Variants in CCDC90B observed in about 807,000 individuals in gnomAD.
CCDC90B encodes coiled-coil domain containing 90B.
Under a neutral mutation model 37.0 loss-of-function variants are expected in CCDC90B, and 24 were observed. The ratio of observed to expected loss-of-function variants is 0.65; its 90% CI spans 0.47 to 0.91. The LOEUF (loss-of-function observed/expected upper bound fraction) is 0.91. CCDC90B is among the 40% of genes least tolerant of loss of function. The probability of loss-of-function intolerance (pLI) is 0.00; values close to 1 mark genes in which losing one functional copy is unlikely to be tolerated. For missense variants in CCDC90B, 319 were observed against 299.0 expected (o/e 1.07, Z -0.49); for synonymous variants, 113 against 101.1 (o/e 1.12, Z -0.71).
In CCDC90B at chr11:83,285,864, T is replaced by A; in HGVS notation, c.100+9A>T. On this transcript the variant is annotated intron_variant, in intron 1 of 8. Transcript: ENST00000529689. ...ACTCAGGCATCTATGACACGACGCC[T>A]TGCCTCACCTCTCCGCAGGGCCGGC... 1 of 1,609,536 alleles carries A rather than the reference T, an allele frequency of 6.2e-7. No individual in the cohort carries two copies. The highest frequency in any genetic ancestry group is 8.5e-7 in the Non-Finnish European group (1 of 1,178,908).
chr11:83,280,633 A>G (rs1392476381), intron 1 of CCDC90B, among the ~76,000 whole-genome samples: 1 of 152,228 alleles, frequency 6.6e-6, no homozygotes, highest in Non-Finnish European at 1.5e-5. Context: ...TCTTTCAAAG[A>G]GCTATGAAAA....
chr11:83,272,604 G>T (rs930939936), intron 7 of CCDC90B, among the ~76,000 whole-genome samples: 2 of 152,180 alleles, frequency 1.3e-5, no homozygotes, highest in Non-Finnish European at 2.9e-5. Context: ...CAAAGGGTAG[G>T]GAGGACAGAT....
intron 7 of CCDC90B, among the ~76,000 whole-genome samples, chr11:83,267,707 T>C (rs1307841646): frequency 6.6e-6 from 1 of 152,172 alleles, no homozygotes; most frequent in East Asian, 1.9e-4. Flanking sequence ...CCAGGAGAAC[T>C]TCCCCAACCT....
In CCDC90B at chr11:83,265,849, TC is replaced by T; in HGVS notation, c.709+15del. 1 of 1,493,748 alleles carries T rather than the reference TC, an allele frequency of 6.7e-7. No individual in the cohort carries two copies. Among genetic ancestry groups the T allele is most frequent in the Non-Finnish European group, 9.3e-7 (1 of 1,075,882 alleles). 92.5% of individuals were successfully genotyped at this position (1,493,748 alleles called of 1,614,324 possible). On this transcript the variant is annotated intron_variant, in intron 8 of 8. Transcript: ENST00000529689. ...GAAAATTAGATGACAGCAATTTCTT[TC>T]TCTGACAGTCTTACCTGCAAGATAA...
chr11:83,264,577 G>A (rs1290023838), intron 8 of CCDC90B, among the ~76,000 whole-genome samples: 2 of 152,062 alleles, frequency 1.3e-5, no homozygotes, highest in African/African-American at 2.4e-5. Flanking sequence ...TTAGTCTGAC[G>A]GGCTTCCCTT....
rs1337771973 is a variant in CCDC90B at position 83,261,051 on chromosome 11, A to G, written c.*860T>C. On this transcript the variant is annotated 3_prime_UTR_variant, in exon 9 of 9. Transcript: ENST00000529689. ...TCAGAGCTCAATATTTAGCAACTCT[A>G]CAGATTTCATATTAAGTGTTGTAAT... 5 of 152,196 alleles carry G rather than the reference A, an allele frequency of 3.3e-5. No individual in the cohort carries two copies. Among genetic ancestry groups the G allele is most frequent in the African/African-American group, 1.2e-4 (5 of 41,456 alleles). 9.4% of individuals were successfully genotyped at this position (152,196 alleles called of 1,614,324 possible). A position where few individuals can be genotyped will look rare whatever the true frequency, so the allele number is the denominator to read the frequency against.
intron 8 of CCDC90B, among the ~76,000 whole-genome samples, chr11:83,264,602 C>T (rs1046466218): frequency 6.6e-6 from 1 of 152,128 alleles, no homozygotes; most frequent in Non-Finnish European, 1.5e-5. Flanking sequence ...GGTAACCCGA[C>T]CTTTTTCTCT....
At position 83,286,020 on chromosome 11, in the gene CCDC90B, T is replaced by C; in HGVS notation, c.-48A>G. ...AGGGAGGCGGAAGACGGGGTAAATC[T>C]CGCACAGGCTTTCGGGCAAGGTAGT... On this transcript the variant is annotated 5_prime_UTR_variant, in exon 1 of 9. Transcript: ENST00000529689. 3.8e-6 allele frequency: 6 copies of C among 1,570,664 alleles called. No individual in the cohort carries two copies. Among genetic ancestry groups the C allele is most frequent in the Non-Finnish European group, 2.6e-6 (3 of 1,158,340 alleles).
chr11:83,279,289 CA>C (rs1220702849), intron 2 of CCDC90B, among the ~76,000 whole-genome samples: 7 of 143,900 alleles, frequency 4.9e-5, no homozygotes, highest in Non-Finnish European at 1.5e-5. Flanking sequence ...TCAAAAAAAA[CA>C]AAAAAAAAAC....
intron 4 of CCDC90B, chr11:83,274,394 G>T (rs887990905): frequency 1.1e-5 from 3 of 280,536 alleles, no homozygotes; most frequent in African/African-American, 6.6e-5. Context: ...ATAGCTCAAA[G>T]ATTTTGTTTT....
In CCDC90B at chr11:83,261,791, G is replaced by T; in HGVS notation, c.*120C>A. 1.4e-6 allele frequency: 1 copy of T among 690,846 alleles called. No homozygotes were observed. The allele number at this position is 690,846 out of a possible 1,614,324, so 42.8% of individuals were successfully genotyped here. A position where few individuals can be genotyped will look rare whatever the true frequency, so the allele number is the denominator to read the frequency against. On this transcript the variant is annotated 3_prime_UTR_variant, in exon 9 of 9. Transcript: ENST00000529689. ...TCTAAAACACTTCCTCTTTTAGTCCGTATACACTTCGAATAATCTTGTGTA... is the reference window on the plus strand; with the variant it reads ...TCTAAAACACTTCCTCTTTTAGTCCTTATACACTTCGAATAATCTTGTGTA...
At chr11:83,274,036 CTA>C in intron 4 of CCDC90B, 44 bp from the exon 5 acceptor site, 1 of 1,404,770 alleles carries the variant, frequency 7.1e-7, no homozygotes, top group Non-Finnish European at 9.4e-7. Flanking sequence ...TAAACCAAGT[CTA>C]TATTATGATT....
At chr11:83,274,832 A>G in intron 3 of CCDC90B, 92 bp from the exon 4 acceptor site, 1 of 765,160 alleles carries the variant, frequency 1.3e-6, no homozygotes, top group Non-Finnish European at 2.2e-6. Context: ...TGAATTTGTT[A>G]ACATGCTACA....
Position 83,273,670 on chromosome 11 carries a change from T to A in CCDC90B, c.571A>T (p.Thr191Ser). 1.2e-6 allele frequency: 2 copies of A among 1,603,430 alleles called. No individual in the cohort carries two copies. The highest frequency in any genetic ancestry group is 1.7e-6 in the Non-Finnish European group (2 of 1,176,428). The change falls in exon 7 of 9, where the codon ACA becomes TCA. Residue 191 changes from threonine (T) to serine (S), a missense_variant. By Grantham distance (58) the Thr-to-Ser change is moderately conservative (BLOSUM62 1). Coordinates refer to ENST00000529689, the MANE Select transcript of CCDC90B (RefSeq NM_021825.5). ...ACCTTTTTTGTAAATTCTGTAGTTG[T>A]TTCCATAAGTTGCTTTTCTTGATCT... is the stretch of plus-strand genomic sequence containing the variant. ...FTDQEKQLMETTTEFTKKDTQ... is the reference protein window; with the variant it reads ...FTDQEKQLMESTTEFTKKDTQ...
chr11:83,286,234 C>T lies in CCDC90B; in HGVS notation c.-262G>A, dbSNP rs1227719827. 8 of 1,503,988 alleles carry T rather than the reference C, an allele frequency of 5.3e-6. No individual in the cohort carries two copies. The highest frequency in any genetic ancestry group is 3.6e-5 in the South Asian group (3 of 83,086). 93.2% of individuals were successfully genotyped at this position (1,503,988 alleles called of 1,614,324 possible). On this transcript the variant is annotated 5_prime_UTR_variant, in exon 1 of 9. It removes the in-frame stop codon of an upstream open reading frame in the 5' UTR. Coordinates refer to ENST00000529689, the MANE Select transcript of CCDC90B (RefSeq NM_021825.5). ...CCGACCTTTGAACGCCTTCACCGCC[C>T]TAGGAAAGCGAGATCTTGTCAGAGA...
chr11:83,283,961 A>T (rs1464007207), intron 1 of CCDC90B, among the ~76,000 whole-genome samples: 1 of 152,180 alleles, frequency 6.6e-6, no homozygotes, highest in Non-Finnish European at 1.5e-5. Flanking sequence ...CTGTCTCAAA[A>T]AAATAAAAAA....
Position 83,259,391 on chromosome 11 carries a change from T to C in CCDC90B, c.*2520A>G, listed in dbSNP as rs1190840808. 6.6e-6 allele frequency: 1 copy of C among 152,194 alleles called. No homozygotes were observed. Among genetic ancestry groups the C allele is most frequent in the Non-Finnish European group, 1.5e-5 (1 of 68,036 alleles). The allele number at this position is 152,194 out of a possible 1,614,324, so 9.4% of individuals were successfully genotyped here. A position where few individuals can be genotyped will look rare whatever the true frequency, so the allele number is the denominator to read the frequency against. On this transcript the variant is annotated 3_prime_UTR_variant, in exon 9 of 9. Coordinates refer to ENST00000529689, the MANE Select transcript of CCDC90B (RefSeq NM_021825.5). ...ATCTAAAAGTAATGGGGACAGGGTATGGTATGCATATTTCTATTCTTCTGT... is the reference window on the plus strand; with the variant it reads ...ATCTAAAAGTAATGGGGACAGGGTACGGTATGCATATTTCTATTCTTCTGT...
intron 8 of CCDC90B, among the ~76,000 whole-genome samples, chr11:83,264,355 T>A (rs1864118579): frequency 6.7e-6 from 1 of 149,190 alleles, no homozygotes; most frequent in African/African-American, 2.6e-5. Flanking sequence ...TTAAGAAGTA[T>A]ATAAGATGTT....
At position 83,285,955 on chromosome 11, in the gene CCDC90B, A is replaced by T; in HGVS notation, c.18T>A (p.Ala6=). Reference sequence around the variant, plus strand: ...TGCCTTGGGAGAGAAAGAGCCGCCAAGCCTGGCGACTATTCATGTCCTCAG... The same window carrying T: ...TGCCTTGGGAGAGAAAGAGCCGCCATGCCTGGCGACTATTCATGTCCTCAG... The part of the protein sequence containing the change: MNSRQ[A]WRLFLSQGRG... Residue 6 remains alanine (A), a synonymous_variant, in exon 1 of 9, where the codon GCT becomes GCA. Coordinates refer to ENST00000529689, the MANE Select transcript of CCDC90B (RefSeq NM_021825.5). 2 of 1,612,280 alleles carry T rather than the reference A, an allele frequency of 1.2e-6. No individual in the cohort carries two copies. Among genetic ancestry groups the T allele is most frequent in the Non-Finnish European group, 1.7e-6 (2 of 1,179,274 alleles).
Sources: gnomAD v4.1 joint callset for allele counts (sites outside exome capture counted in the v4.1 genomes callset) on GRCh38, gnomAD v4.1.1 for gene constraint, MANE v1.5 for transcripts, NCBI Gene and HGNC (gene_info 2026-07-23, HGNC 2026-07-21) for gene names.